LAMA1: variants seen among roughly 807,000 people sequenced by gnomAD.
LAMA1 encodes laminin subunit alpha 1.
LAMA1 carries 219 observed loss-of-function variants against 348.7 expected under a neutral mutation model. The observed-to-expected ratio is 0.63, with a 90% CI of 0.56 to 0.70. The LOEUF (loss-of-function observed/expected upper bound fraction) is 0.70. Ranked by LOEUF, LAMA1 falls within the 30% of genes least tolerant of loss-of-function variation. LAMA1 has a pLI of 0.00. For synonymous variants in LAMA1, 1,487 were observed against 1,491.0 expected (o/e 1.00, Z 0.06); for missense variants, 3,744 against 3,888.0 (o/e 0.96, Z 0.99).
At chr18:7,109,867 G>A (rs2058328717) in intron 1 of LAMA1, among the ~76,000 whole-genome samples, 1 of 152,132 alleles carries the variant, frequency 6.6e-6, no homozygotes, top group Non-Finnish European at 1.5e-5. Context: ...AAGGACACGA[G>A]CTAGCATCAC....
chr18:7,117,587 G>C, intron 1 of LAMA1, 73 bp downstream of exon 1: 6 of 1,504,698 alleles, frequency 4.0e-6, no homozygotes, highest in Middle Eastern at 4.0e-4. Context: ...CCAACGCGAC[G>C]GGCTTTGTCC....
At chr18:7,059,569 A>T (rs2058094888) in intron 3 of LAMA1, among the ~76,000 whole-genome samples, 4 of 152,196 alleles carry the variant, frequency 2.6e-5, no homozygotes, top group Admixed American at 2.0e-4. Flanking sequence ...TCAGGCACAG[A>T]TGTCTAAAAA....
intron 13 of LAMA1, among the ~76,000 whole-genome samples, chr18:7,035,232 G>C (rs1224373107): frequency 6.6e-6 from 1 of 152,088 alleles, no homozygotes; most frequent in East Asian, 1.9e-4. Flanking sequence ...TGACTGAGCT[G>C]GATCTTTTTA....
intron 39 of LAMA1, among the ~76,000 whole-genome samples, chr18:6,984,519 A>T (rs920343013): frequency 1.3e-5 from 2 of 152,300 alleles, no homozygotes; most frequent in South Asian, 2.1e-4. Flanking sequence ...TACACCCCAG[A>T]CCCATTAAGT....
At chr18:7,003,035 C>A (rs666218) in intron 29 of LAMA1, among the ~76,000 whole-genome samples, 39,550 of 151,628 alleles carry the variant, frequency 0.26, 5,391 homozygotes, top group African/African-American at 0.35. Flanking sequence ...CACACGCCAC[C>A]ATGTTTGTCT....
At position 7,099,038 on chromosome 18, in the gene LAMA1, G is replaced by A. The variant is rs552784274; in HGVS notation, c.62-18581C>T. On this transcript the variant is annotated intron_variant, in intron 1 of 62. Coordinates refer to ENST00000389658, the MANE Select transcript of LAMA1 (RefSeq NM_005559.4). ...TGTGGAATAGAAAGGGGGGAAAGGC[G>A]GGGAAAAGATTGAGAAATCGGATGG... Among the ~76,000 whole-genome samples, 33 of 152,152 alleles carry A rather than the reference G, an allele frequency of 2.2e-4. No individual in the cohort carries two copies. The East Asian group carries it at 6.0e-3, about 28-fold the overall frequency.
chr18:7,091,096 T>C (rs1464117427), intron 1 of LAMA1, among the ~76,000 whole-genome samples: 1 of 152,230 alleles, frequency 6.6e-6, no homozygotes, highest in Non-Finnish European at 1.5e-5. Context: ...TCAATGACTC[T>C]GTGATTTTTC....
intron 40 of LAMA1, 36 bp downstream of exon 40, chr18:6,983,063 A>G (rs2057719125): frequency 6.2e-7 from 1 of 1,613,990 alleles, no homozygotes; most frequent in African/African-American, 1.3e-5. Flanking sequence ...AAAATCTCCC[A>G]CAGAGCCCAG....
Position 7,117,785 on chromosome 18 carries a change from G to A in LAMA1, c.-65C>T, listed in dbSNP as rs879338127. On this transcript the variant is annotated 5_prime_UTR_variant, in exon 1 of 63. Transcript: ENST00000389658. ...CGCGCGCCCGCCTGGAACGCTCCACGGGACGCGAGTCCGCGCTGCCCTGGC... is the reference window on the plus strand; with the variant it reads ...CGCGCGCCCGCCTGGAACGCTCCACAGGACGCGAGTCCGCGCTGCCCTGGC... 1.4e-6 allele frequency: 2 copies of A among 1,431,886 alleles called. No homozygotes were observed. The highest frequency in any genetic ancestry group is 1.9e-6 in the Non-Finnish European group (2 of 1,051,334). The allele number at this position is 1,431,886 out of a possible 1,614,324, so 88.7% of individuals were successfully genotyped here.
chr18:7,033,598 G>A (rs1281570051), intron 14 of LAMA1, among the ~76,000 whole-genome samples: 1 of 152,110 alleles, frequency 6.6e-6, no homozygotes, highest in Non-Finnish European at 1.5e-5. Flanking sequence ...AAGTCATGCT[G>A]CTGCCCATAG....
At chr18:7,112,453 C>T (rs767671822) in intron 1 of LAMA1, among the ~76,000 whole-genome samples, 1 of 151,998 alleles carries the variant, frequency 6.6e-6, no homozygotes, top group African/African-American at 2.4e-5. Flanking sequence ...TTAAAAGTTA[C>T]CTGAAGAAAC....
intron 19 of LAMA1, among the ~76,000 whole-genome samples, chr18:7,019,833 C>T (rs1368301508): frequency 2.0e-5 from 3 of 151,782 alleles, no homozygotes; most frequent in African/African-American, 7.3e-5. Context: ...AGGCACTCAC[C>T]ACCACGCCCA....
rs541310584 is a variant in LAMA1, at chr18:7,050,989, C to A, written c.346-53G>T. Reference sequence around the variant, plus strand: ...ATCCAGAATCAATACAAGCCAGGCACAGAATGAGAGCTACTGCATGATCTA... The same window carrying A: ...ATCCAGAATCAATACAAGCCAGGCAAAGAATGAGAGCTACTGCATGATCTA... On this transcript the variant is annotated intron_variant, in intron 3 of 62. Transcript: ENST00000389658. 21 of 1,603,976 alleles carry A rather than the reference C, an allele frequency of 1.3e-5. No homozygotes were observed. In the East Asian group the frequency reaches 4.5e-4, roughly 34 times the overall value.
intron 30 of LAMA1, among the ~76,000 whole-genome samples, chr18:7,001,141 A>T (rs2057805972): frequency 6.6e-6 from 1 of 152,118 alleles, no homozygotes; most frequent in Non-Finnish European, 1.5e-5. Context: ...GTGGATATGA[A>T]TTTTTTCCAA....
rs749700987 is a variant in LAMA1 at position 7,080,351 on chromosome 18, C to G, written c.168G>C (p.Val56=). 25 of 1,614,130 alleles carry G rather than the reference C, an allele frequency of 1.5e-5. No homozygotes were observed. The highest frequency in any genetic ancestry group is 2.1e-5 in the Non-Finnish European group (25 of 1,180,060). Residue 56 remains valine (V), a synonymous_variant, in exon 2 of 63, where the codon GTG becomes GTC. Transcript: ENST00000389658. The part of the protein sequence containing the change: ...PEMFCKLVEH[V]PGRPVRNPQC... ...GTGGGTTTCGGACGGGCCGACCTGG[C>G]ACATGCTCCACAAGTTTGCAGAACA...
At chr18:7,051,047 A>G in intron 3 of LAMA1, 111 bp from the exon 4 acceptor site, 1 of 1,391,910 alleles carries the variant, frequency 7.2e-7, no homozygotes, top group Non-Finnish European at 9.9e-7. Flanking sequence ...AGTTGAACTT[A>G]GAATCAGACA....
chr18:7,023,137 G>A (rs1450581523), intron 19 of LAMA1, 27 bp downstream of exon 19: 1 of 1,602,160 alleles, frequency 6.2e-7, no homozygotes, highest in East Asian at 2.3e-5. Flanking sequence ...ATAAACAGCT[G>A]ACCTGACTTC....
At chr18:7,109,514 G>T (rs2058327236) in intron 1 of LAMA1, among the ~76,000 whole-genome samples, 1 of 152,180 alleles carries the variant, frequency 6.6e-6, no homozygotes, top group East Asian at 1.9e-4. Context: ...AGTTGAAACA[G>T]GCCATCACAT....
At chr18:7,011,585 T>C in intron 24 of LAMA1, 106 bp from the exon 25 acceptor site, 2 of 1,094,568 alleles carry the variant, frequency 1.8e-6, no homozygotes, top group East Asian at 2.6e-5. Context: ...AGCTTCATTA[T>C]TAAAACAGAA....
Sources: gnomAD v4.1 joint callset for allele counts (sites outside exome capture counted in the v4.1 genomes callset) on GRCh38, gnomAD v4.1.1 for gene constraint, MANE v1.5 for transcripts, NCBI Gene and HGNC (gene_info 2026-07-23, HGNC 2026-07-21) for gene names.